The following FGD6 variants were observed in gnomAD, a reference collection of about 807,000 sequenced individuals.
FGD6 encodes FYVE, RhoGEF and PH domain containing 6, also known as FYVE, RhoGEF and PH domain-containing protein 6.
In FGD6, 90 loss-of-function variants were observed where a neutral mutation model predicts 149.4. The ratio of observed to expected loss-of-function variants is 0.60; its 90% CI spans 0.51 to 0.72. The LOEUF is 0.72. FGD6 is among the 30% of genes least tolerant of loss of function. The probability of loss-of-function intolerance (pLI) is 0.00; values close to 1 mark genes in which losing one functional copy is unlikely to be tolerated. For synonymous variants in FGD6, 527 were observed against 584.0 expected, an observed-to-expected ratio of 0.90 and a Z score of 1.41; for missense variants, 1,437 against 1,684.8, an observed-to-expected ratio of 0.85 and a Z score of 2.57.
At chr12:95,156,648 A>AC (rs1038508855) in intron 3 of FGD6, among the ~76,000 whole-genome samples, 22 of 152,130 alleles carry the variant, frequency 1.4e-4, no homozygotes, top group African/African-American at 5.1e-4. Context: ...GATCTCTGTG[A>AC]CCCACACCCT....
intron 2 of FGD6, among the ~76,000 whole-genome samples, chr12:95,177,027 C>T (rs1008907157): frequency 2.8e-4 from 42 of 152,104 alleles, no homozygotes; most frequent in African/African-American, 9.7e-4. Flanking sequence ...GGGGTTTCAC[C>T]ATGTTGGCCA....
chr12:95,129,616 C>T (rs1392443117), intron 8 of FGD6, among the ~76,000 whole-genome samples: 1 of 152,126 alleles, frequency 6.6e-6, no homozygotes, highest in Non-Finnish European at 1.5e-5. Context: ...CCCATTCTTC[C>T]CAACTTCAAA....
intron 8 of FGD6, among the ~76,000 whole-genome samples, chr12:95,118,898 A>T (rs1397016997): frequency 1.3e-5 from 2 of 152,214 alleles, no homozygotes; most frequent in Admixed American, 6.5e-5. Context: ...AATACCAAAA[A>T]CAAGCATCAA....
intron 5 of FGD6, among the ~76,000 whole-genome samples, chr12:95,148,035 A>C (rs1247139466): frequency 6.6e-6 from 1 of 152,116 alleles, no homozygotes; most frequent in African/African-American, 2.4e-5. Context: ...AGCAAAACAA[A>C]GGTACTCTGA....
chr12:95,144,095 A>G (rs1879937102), intron 5 of FGD6, among the ~76,000 whole-genome samples: 1 of 152,204 alleles, frequency 6.6e-6, no homozygotes, highest in Non-Finnish European at 1.5e-5. Context: ...ATTGCCAAAA[A>G]GGGAACTTGT....
At chr12:95,114,612 T>C (rs1334148991) in intron 8 of FGD6, among the ~76,000 whole-genome samples, 1 of 152,146 alleles carries the variant, frequency 6.6e-6, no homozygotes, top group Non-Finnish European at 1.5e-5. Context: ...AGATAGTCTG[T>C]AAATAAGTAA....
chr12:95,101,536 T>G (rs143663874), intron 14 of FGD6, among the ~76,000 whole-genome samples: 1 of 152,250 alleles, frequency 6.6e-6, no homozygotes, highest in East Asian at 1.9e-4. Flanking sequence ...CATTTTTACT[T>G]GGGAAATAGA....
chr12:95,148,547 TTATATTA>T lies in FGD6; in HGVS notation c.2685+4257_2685+4263del, dbSNP rs1390608145. ...TATATTATATAATATATAGCATATA[TTATATTA>T]TATATTATATATTATATAATACATA... On this transcript the variant is annotated intron_variant, in intron 5 of 20. Coordinates refer to ENST00000343958, the MANE Select transcript of FGD6 (RefSeq NM_018351.4). Among the ~76,000 whole-genome samples the T allele has an allele frequency of 5.8e-3, 474 of 82,288 alleles. 10 individuals are homozygous for T. The highest frequency in any genetic ancestry group is 0.018 in the African/African-American group (452 of 25,516). 54.0% of individuals were successfully genotyped at this position (82,288 alleles called of 152,430 possible). A position where few individuals can be genotyped will look rare whatever the true frequency, so the allele number is the denominator to read the frequency against.
chr12:95,172,861 G>T, intron 2 of FGD6, 117 bp from the exon 3 acceptor site: 1 of 832,758 alleles, frequency 1.2e-6, no homozygotes, highest in African/African-American at 1.7e-5. Flanking sequence ...TAAGGGATGT[G>T]GAAGAATGAA....
intron 8 of FGD6, chr12:95,126,357 GC>G (rs143457596): frequency 0.073 from 112,642 of 1,548,924 alleles, 5,181 homozygotes; most frequent in Admixed American, 0.14. Context: ...AGCCCAGAAA[GC>G]CCCTGCTCCA....
At chr12:95,085,418 G>C (rs993345785) in intron 19 of FGD6, 25 of 214,608 alleles carry the variant, frequency 1.2e-4, no homozygotes, top group Non-Finnish European at 2.3e-4. Context: ...GGCCAGGCTA[G>C]TCTCGAACTC....
At chr12:95,203,745 T>C (rs1487789362) in intron 2 of FGD6, among the ~76,000 whole-genome samples, 3 of 152,186 alleles carry the variant, frequency 2.0e-5, no homozygotes, top group Non-Finnish European at 4.4e-5. Flanking sequence ...TACTTTTTCT[T>C]TGAAATATTT....
chr12:95,123,683 T>C (rs1879255669), intron 8 of FGD6, among the ~76,000 whole-genome samples: 1 of 151,728 alleles, frequency 6.6e-6, no homozygotes, highest in African/African-American at 2.4e-5. Flanking sequence ...TGCCTCAGCC[T>C]CCCAAGTAGC....
chr12:95,183,901 C>A (rs2136289516), intron 2 of FGD6, among the ~76,000 whole-genome samples: 1 of 152,230 alleles, frequency 6.6e-6, no homozygotes. Context: ...TCGCGAGGTA[C>A]AAAGCAGGTG....
chr12:95,169,057 T>C (rs1352574373), intron 3 of FGD6, among the ~76,000 whole-genome samples: 2 of 152,226 alleles, frequency 1.3e-5, no homozygotes, highest in Non-Finnish European at 2.9e-5. Flanking sequence ...GAAAATTCAT[T>C]AGCGTGGCTG....
chr12:95,191,513 G>C (rs1226440256), intron 2 of FGD6, among the ~76,000 whole-genome samples: 2 of 152,192 alleles, frequency 1.3e-5, no homozygotes, highest in Non-Finnish European at 2.9e-5. Context: ...CCTGACCACT[G>C]TTTGCTCAGA....
chr12:95,083,250 G>A (rs1877757705), intron 20 of FGD6, among the ~76,000 whole-genome samples: 1 of 151,024 alleles, frequency 6.6e-6, no homozygotes, highest in Non-Finnish European at 1.5e-5. Flanking sequence ...TTAATATTCT[G>A]TCATGTACTT....
intron 13 of FGD6, among the ~76,000 whole-genome samples, chr12:95,106,352 C>T (rs999116389): frequency 3.3e-5 from 5 of 150,676 alleles, no homozygotes; most frequent in South Asian, 2.1e-4. Flanking sequence ...CTCACTGACA[C>T]CTCCGCCTCC....
intron 20 of FGD6, among the ~76,000 whole-genome samples, chr12:95,083,012 A>AATATAT (rs1555215600): frequency 0.025 from 503 of 19,980 alleles, 20 homozygotes; most frequent in Admixed American, 0.031. Flanking sequence ...AAAAAAAAAA[A>AATATAT]ATATATATAT....
Sources: allele counts gnomAD v4.1 joint callset (sites outside exome capture counted in the v4.1 genomes callset), GRCh38; gene constraint gnomAD v4.1.1; transcripts MANE v1.5; gene names NCBI Gene and HGNC (gene_info 2026-07-23, HGNC 2026-07-21).